POLH: variants seen among roughly 807,000 people sequenced by gnomAD.
The protein encoded by POLH is DNA polymerase eta.
POLH carries 53 observed loss-of-function variants against 73.6 expected under a neutral mutation model. The ratio of observed to expected loss-of-function variants is 0.72; its 90% CI spans 0.58 to 0.91. The LOEUF is 0.91. POLH is among the 40% of genes least tolerant of loss of function. POLH has a pLI of 0.00. For missense variants in POLH, 768 were observed against 865.4 expected, an observed-to-expected ratio of 0.89 and a Z score of 1.41; for synonymous variants, 292 against 308.5, an observed-to-expected ratio of 0.95 and a Z score of 0.56.
In POLH at chr6:43,614,748, A is replaced by G; in HGVS notation, c.*191A>G. ...CATGGATTCTAATCCCACTGCTGAC[A>G]GAGATGTAAAAATTCATCCTACCAG... On this transcript the variant is annotated 3_prime_UTR_variant, in exon 11 of 11. Coordinates refer to ENST00000372236, the MANE Select transcript of POLH (RefSeq NM_006502.3). The G allele has an allele frequency of 1.8e-6, 1 of 569,118 alleles. No homozygotes were observed. Among genetic ancestry groups the G allele is most frequent in the Non-Finnish European group, 3.0e-6 (1 of 328,954 alleles). The allele number at this position is 569,118 out of a possible 1,614,324, so 35.3% of individuals were successfully genotyped here. A position where few individuals can be genotyped will look rare whatever the true frequency, so the allele number is the denominator to read the frequency against.
rs1768383053 is a variant in POLH, at chr6:43,616,853, G to C, written c.*2296G>C. ...TTTTGTTCTAATGTAGAATTAGATT[G>C]CTACTTGACTAGTTCAGGAACTCTG... On this transcript the variant is annotated 3_prime_UTR_variant, in exon 11 of 11. Transcript: ENST00000372236. Among the ~76,000 whole-genome samples the C allele has an allele frequency of 1.3e-5, 2 of 152,198 alleles. No homozygotes were observed. The highest frequency in any genetic ancestry group is 4.8e-5 in the African/African-American group (2 of 41,440).
chr6:43,613,714 C>T lies in POLH; in HGVS notation c.1299C>T (p.Ala433=). 3.7e-6 allele frequency: 6 copies of T among 1,613,870 alleles called. No individual in the cohort carries two copies. The highest frequency in any genetic ancestry group is 4.2e-6 in the Non-Finnish European group (5 of 1,179,930). ...FLCATKFSAS[A]PSSSTDITSF... ...GTGCTACAAAATTTTCTGCCTCTGC[C>T]CCTTCATCTTCTACAGACATCACCA... is the stretch of plus-strand genomic sequence containing the variant. The change falls in exon 11 of 11, where the codon GCC becomes GCT. Residue 433 remains alanine, a synonymous_variant. Coordinates refer to ENST00000372236, the MANE Select transcript of POLH (RefSeq NM_006502.3).
intron 9 of POLH, among the ~76,000 whole-genome samples, chr6:43,605,662 C>T (rs1199657695): frequency 6.6e-6 from 1 of 151,650 alleles, no homozygotes; most frequent in Non-Finnish European, 1.5e-5. Context: ...GTTGCTCAGG[C>T]TGGTCTTGAA....
intron 3 of POLH, among the ~76,000 whole-genome samples, chr6:43,584,904 G>A (rs1158290174): frequency 6.6e-6 from 1 of 152,202 alleles, no homozygotes; most frequent in African/African-American, 2.4e-5. Flanking sequence ...ACTTTGGGAG[G>A]CTGAGACAGG....
At chr6:43,609,113 C>T (rs1015798833) in intron 9 of POLH, among the ~76,000 whole-genome samples, 2 of 152,118 alleles carry the variant, frequency 1.3e-5, no homozygotes, top group Non-Finnish European at 2.9e-5. Flanking sequence ...GGAGGTCCTC[C>T]CTAGTTACCC....
chr6:43,593,878 C>CAA (rs768129925), intron 4 of POLH, among the ~76,000 whole-genome samples: 6,836 of 84,786 alleles, frequency 0.081, 465 homozygotes, highest in African/African-American at 0.19. Flanking sequence ...GACTCCGTCT[C>CAA]AAAAAAAAAA....
At chr6:43,607,999 C>G (rs1767484865) in intron 9 of POLH, among the ~76,000 whole-genome samples, 1 of 152,002 alleles carries the variant, frequency 6.6e-6, no homozygotes, top group Non-Finnish European at 1.5e-5. Context: ...GGCGTGGTGG[C>G]GGGCACCTGT....
intron 5 of POLH, 56 bp downstream of exon 5, chr6:43,597,921 G>A (rs1766273797): frequency 1.4e-6 from 2 of 1,423,238 alleles, no homozygotes; most frequent in South Asian, 2.3e-5. Context: ...GTCAAATACA[G>A]TAGGGACAGT....
At chr6:43,604,588 C>CTTTT (rs759332128) in intron 7 of POLH, 27 bp from the exon 8 acceptor site, 1 of 1,610,240 alleles carries the variant, frequency 6.2e-7, no homozygotes, top group Non-Finnish European at 8.5e-7. Context: ...TTAATTTCAC[C>CTTTT]TTAACGTTTT....
intron 4 of POLH, among the ~76,000 whole-genome samples, chr6:43,589,396 T>C (rs1332157883): frequency 2.6e-5 from 4 of 152,188 alleles, no homozygotes; most frequent in Non-Finnish European, 2.9e-5. Flanking sequence ...ACTGGTATCA[T>C]CTAATGTTTA....
Position 43,620,148 on chromosome 6 carries a change from A to T in POLH, c.*5591A>T. ...TGTCTCTAAATTCTACTCTTCTTTA[A>T]GTAGCTGGCACTGTATCTCTGCCAG... On this transcript the variant is annotated 3_prime_UTR_variant, in exon 11 of 11. Coordinates refer to ENST00000372236, the MANE Select transcript of POLH (RefSeq NM_006502.3). 2.4e-6 allele frequency: 1 copy of T among 424,336 alleles called. No individual in the cohort carries two copies. Among genetic ancestry groups the T allele is most frequent in the Non-Finnish European group, 4.5e-6 (1 of 224,096 alleles). The allele number at this position is 424,336 out of a possible 1,614,324, so 26.3% of individuals were successfully genotyped here. A position where few individuals can be genotyped will look rare whatever the true frequency, so the allele number is the denominator to read the frequency against.
intron 1 of POLH, among the ~76,000 whole-genome samples, chr6:43,579,854 G>A (rs1189789168): frequency 1.3e-5 from 2 of 151,654 alleles, no homozygotes; most frequent in Non-Finnish European, 2.9e-5. Context: ...TCACACATTT[G>A]GTCACAGAAG....
intron 1 of POLH, among the ~76,000 whole-genome samples, chr6:43,580,676 C>T (rs1470386053): frequency 1.4e-5 from 2 of 140,894 alleles, no homozygotes; most frequent in African/African-American, 5.6e-5. Flanking sequence ...GCTGACCCCC[C>T]CACCTCCCTC....
chr6:43,604,861 T>C, intron 8 of POLH, 123 bp downstream of exon 8: 3 of 1,018,914 alleles, frequency 2.9e-6, no homozygotes, highest in Non-Finnish European at 4.6e-6. Flanking sequence ...AAACAGATGT[T>C]CTGTCCTTGG....
intron 1 of POLH, among the ~76,000 whole-genome samples, chr6:43,580,151 C>G: frequency 6.7e-6 from 1 of 148,644 alleles, no homozygotes; most frequent in Non-Finnish European, 1.5e-5. Flanking sequence ...TTTAACAAAG[C>G]ACATCTTACA....
At chr6:43,612,627 G>A (rs1422355912) in intron 10 of POLH, among the ~76,000 whole-genome samples, 5 of 151,830 alleles carry the variant, frequency 3.3e-5, no homozygotes, top group Non-Finnish European at 7.4e-5. Context: ...GATTACAGGC[G>A]TGAGCCACTG....
At position 43,610,548 on chromosome 6, in the gene POLH, C is replaced by T. The variant is rs1298711045; in HGVS notation, c.1075-6C>T. 1 of 1,613,446 alleles carries T rather than the reference C, an allele frequency of 6.2e-7. No homozygotes were observed. The highest frequency in any genetic ancestry group is 8.5e-7 in the Non-Finnish European group (1 of 1,179,464). Reference sequence around the variant, plus strand: ...TATTTCTGGTCTCCATCCTTTCCACCCACAGAATGACAGGGTAGCCACCCA... The same window carrying T: ...TATTTCTGGTCTCCATCCTTTCCACTCACAGAATGACAGGGTAGCCACCCA... On this transcript the variant is annotated splice_polypyrimidine_tract_variant and splice_region_variant and intron_variant, in intron 9 of 10. Transcript: ENST00000372236.
chr6:43,587,433 C>T lies in POLH; in HGVS notation c.434C>T (p.Thr145Ile). The change falls in exon 4 of 11, where the codon ACT becomes ATT. Residue 145 changes from threonine to isoleucine, a missense_variant. By Grantham distance (89) the Thr-to-Ile change is moderately conservative (BLOSUM62 -1). Coordinates refer to ENST00000372236, the MANE Select transcript of POLH (RefSeq NM_006502.3). ...ATCTCGGCAGACTTGTTGCCAAGCA[C>T]TTACATTGAAGGGTTGCCCCAAGGC... ...QPISADLLPS[T>I]YIEGLPQGPT... The T allele has an allele frequency of 6.2e-7, 1 of 1,614,222 alleles. No individual in the cohort carries two copies. Among genetic ancestry groups the T allele is most frequent in the South Asian group, 1.1e-5 (1 of 91,092 alleles).
At chr6:43,606,055 G>T (rs1767251726) in intron 9 of POLH, among the ~76,000 whole-genome samples, 1 of 151,454 alleles carries the variant, frequency 6.6e-6, no homozygotes, top group South Asian at 2.1e-4. Flanking sequence ...ATTTTATTGT[G>T]TATATTTGAT....
Sources: allele counts gnomAD v4.1 joint callset (sites outside exome capture counted in the v4.1 genomes callset), GRCh38; gene constraint gnomAD v4.1.1; transcripts MANE v1.5; gene names NCBI Gene and HGNC (gene_info 2026-07-23, HGNC 2026-07-21).